The following PTPRN2 variants were observed in gnomAD, a reference collection of about 807,000 sequenced individuals.
PTPRN2 encodes receptor-type tyrosine-protein phosphatase N2.
PTPRN2 carries 74 observed loss-of-function variants against 118.8 expected under a neutral mutation model. The observed-to-expected ratio is 0.62, with a 90% CI of 0.52 to 0.76. The LOEUF (loss-of-function observed/expected upper bound fraction) is 0.76. PTPRN2 is among the 30% of genes least tolerant of loss of function. The pLI, the probability that PTPRN2 is intolerant of heterozygous loss-of-function variation, is 0.00. For synonymous variants in PTPRN2, 641 were observed against 608.0 expected (o/e 1.05, Z -0.80); for missense variants, 1,481 against 1,394.4 (o/e 1.06, Z -0.99).
At chr7:157,669,643 C>A in intron 13 of PTPRN2, 1 of 401,434 alleles carries the variant, frequency 2.5e-6, no homozygotes, top group Non-Finnish European at 5.0e-6. Flanking sequence ...GAGTTCTTCC[C>A]ATTTCGCAAG....
At position 158,400,091 on chromosome 7, in the gene PTPRN2, G is replaced by A. The variant is rs10242632; in HGVS notation, c.164-83159C>T. On this transcript the variant is annotated intron_variant, in intron 2 of 22. Coordinates refer to ENST00000389418, the MANE Select transcript of PTPRN2 (RefSeq NM_002847.5). ...GAGAGGAAGTAAACGCTTTTCTCAT[G>A]TAACAGATGCCTTTATGTCATCGTT... Among the ~76,000 whole-genome samples the A allele has an allele frequency of 4.5e-3, 691 of 152,308 alleles. 5 individuals are homozygous for A. The highest frequency in any genetic ancestry group is 0.016 in the African/African-American group (665 of 41,556).
chr7:158,293,304 C>T (rs370921744), intron 3 of PTPRN2, among the ~76,000 whole-genome samples: 61 of 151,536 alleles, frequency 4.0e-4, no homozygotes, highest in Non-Finnish European at 6.6e-4. Flanking sequence ...GGGCTGGGCA[C>T]GGTGACTCAC....
chr7:158,322,733 G>A (rs911411106), intron 2 of PTPRN2, among the ~76,000 whole-genome samples: 2 of 152,252 alleles, frequency 1.3e-5, no homozygotes, highest in African/African-American at 2.4e-5. Context: ...AGAGCCTGCG[G>A]GAATCAGAGG....
At chr7:157,809,910 G>C (rs1805876629) in intron 12 of PTPRN2, among the ~76,000 whole-genome samples, 1 of 152,214 alleles carries the variant, frequency 6.6e-6, no homozygotes, top group African/African-American at 2.4e-5. Context: ...TGCTGTCCTT[G>C]AACAGGAGGC....
chr7:157,829,424 C>G (rs903561395), intron 12 of PTPRN2, among the ~76,000 whole-genome samples: 2 of 152,150 alleles, frequency 1.3e-5, no homozygotes, highest in Non-Finnish European at 2.9e-5. Flanking sequence ...TCACCCTGAC[C>G]GTGAGGCCAC....
At chr7:157,705,912 C>T (rs574227047) in intron 12 of PTPRN2, among the ~76,000 whole-genome samples, 29 of 151,510 alleles carry the variant, frequency 1.9e-4, no homozygotes, top group Admixed American at 9.8e-4. Context: ...TGGATAAAGG[C>T]GGACCACATC....
intron 3 of PTPRN2, among the ~76,000 whole-genome samples, chr7:158,301,495 C>T (rs1212474084): frequency 6.6e-6 from 1 of 152,236 alleles, no homozygotes; most frequent in Non-Finnish European, 1.5e-5. Context: ...TTATCAGCTT[C>T]CCGGTTAACC....
intron 3 of PTPRN2, among the ~76,000 whole-genome samples, chr7:158,269,768 A>T (rs1281263770): frequency 6.6e-6 from 1 of 151,940 alleles, no homozygotes; most frequent in Admixed American, 6.6e-5. Context: ...AGACAGAGGA[A>T]CAGAGACAGA....
At chr7:157,771,394 C>T (rs193293228) in intron 12 of PTPRN2, among the ~76,000 whole-genome samples, 1 of 152,374 alleles carries the variant, frequency 6.6e-6, no homozygotes, top group Non-Finnish European at 1.5e-5. Flanking sequence ...CTGTCTCCAT[C>T]TCTGATATAA....
At position 158,092,862 on chromosome 7, in the gene PTPRN2, G is replaced by A. The variant is rs115060058; in HGVS notation, c.1644-11485C>T. Among the ~76,000 whole-genome samples the A allele has an allele frequency of 9.1e-3, 1,392 of 152,262 alleles. 20 individuals are homozygous for A. Among genetic ancestry groups the A allele is most frequent in the African/African-American group, 0.032 (1,331 of 41,544 alleles). On this transcript the variant is annotated intron_variant, in intron 10 of 22. Coordinates refer to ENST00000389418, the MANE Select transcript of PTPRN2 (RefSeq NM_002847.5). The stretch of plus-strand genomic sequence containing the variant: ...TTCCAAGAAACCAGCCCTGTGTCTG[G>A]CCTTGAGTAGGTGGGCGCAAACCAA...
At chr7:157,573,761 C>A (rs576967542) in intron 19 of PTPRN2, among the ~76,000 whole-genome samples, 25 of 152,342 alleles carry the variant, frequency 1.6e-4, no homozygotes, top group Non-Finnish European at 3.1e-4. Flanking sequence ...ACTCCCGAAA[C>A]TCCTGTCTCT....
rs1433387563 is a variant in PTPRN2, at chr7:157,676,501, T to G, written c.2001+6224A>C. 6.6e-6 allele frequency among the ~76,000 whole-genome samples: 1 copy of G among 152,130 alleles called. No individual in the cohort carries two copies. Among genetic ancestry groups the G allele is most frequent in the Non-Finnish European group, 1.5e-5 (1 of 68,016 alleles). On this transcript the variant is annotated intron_variant, in intron 13 of 22. Transcript: ENST00000389418. This position sits in a 1 kb window ranked among gnomAD's most constrained non-coding sequence, Gnocchi z 5.6. ...CGAGAAAAGAAAGGATGTCACCTTT[T>G]CCCAAATCTCCCACAGTGCCTCACA... is the stretch of plus-strand genomic sequence containing the variant.
intron 5 of PTPRN2, among the ~76,000 whole-genome samples, chr7:158,188,570 G>T (rs1267844660): frequency 8.0e-6 from 1 of 125,036 alleles, no homozygotes; most frequent in African/African-American, 3.3e-5. Flanking sequence ...CCCCTGTATG[G>T]GGAAGGCCGC....
chr7:158,005,614 A>G (rs113300234), intron 11 of PTPRN2, among the ~76,000 whole-genome samples: 11 of 152,228 alleles, frequency 7.2e-5, no homozygotes, highest in African/African-American at 2.7e-4. Context: ...GTTGTCTTAG[A>G]GAGCTGGAAG....
intron 10 of PTPRN2, among the ~76,000 whole-genome samples, chr7:158,105,861 C>T (rs902162392): frequency 6.6e-6 from 1 of 152,026 alleles, no homozygotes; most frequent in Non-Finnish European, 1.5e-5. Flanking sequence ...GCAGCTCCAC[C>T]CAGCTTCATC....
chr7:157,667,704 G>T lies in PTPRN2; in HGVS notation c.2002-11153C>A, dbSNP rs74910510. 7.8e-3 allele frequency among the ~76,000 whole-genome samples: 1,184 copies of T among 152,348 alleles called. 13 individuals carry two copies. Among genetic ancestry groups the T allele is most frequent in the African/African-American group, 0.023 (955 of 41,584 alleles). ...TTGCCCTAAATGGAAATGCTCCACCGCAAAACTCAATGTGATGCTAGTGCC... is the reference window on the plus strand; with the variant it reads ...TTGCCCTAAATGGAAATGCTCCACCTCAAAACTCAATGTGATGCTAGTGCC... On this transcript the variant is annotated intron_variant, in intron 13 of 22. Transcript: ENST00000389418.
At chr7:158,146,123 C>A (rs553026924) in intron 6 of PTPRN2, among the ~76,000 whole-genome samples, 12 of 152,266 alleles carry the variant, frequency 7.9e-5, no homozygotes, top group Admixed American at 2.6e-4. Context: ...GCTCTCGCCA[C>A]AGCTCATTGT....
intron 11 of PTPRN2, among the ~76,000 whole-genome samples, chr7:158,027,084 G>T (rs1332516601): frequency 3.3e-5 from 5 of 152,170 alleles, no homozygotes; most frequent in Non-Finnish European, 5.9e-5. Flanking sequence ...GCAGGTCCGG[G>T]GTCCTAGAAC....
chr7:158,471,885 G>A (rs1424734397), intron 2 of PTPRN2, among the ~76,000 whole-genome samples: 5 of 152,236 alleles, frequency 3.3e-5, no homozygotes, highest in Admixed American at 1.3e-4. Context: ...TCTGTTGCCC[G>A]TTCTGTCGGC....
Sources: allele counts gnomAD v4.1 joint callset (sites outside exome capture counted in the v4.1 genomes callset), GRCh38; gene constraint gnomAD v4.1.1; non-coding constraint Gnocchi (gnomAD v3.1); transcripts MANE v1.5; gene names NCBI Gene and HGNC (gene_info 2026-07-23, HGNC 2026-07-21).